Variants in CDKN2B-AS1 observed in about 807,000 individuals in gnomAD.
CDKN2B-AS1 encodes the protein CDKN2B antisense RNA 1 (non-protein coding).
chr9:22,119,894 C>T (rs1003461254), intron 4 of CDKN2B-AS1: 1 of 152,168 alleles, frequency 6.6e-6, no homozygotes, highest in Non-Finnish European at 1.5e-5. Context: ...TAACCAACAT[C>T]CCAAACCCAG....
intron 4 of CDKN2B-AS1, among the ~76,000 whole-genome samples, chr9:22,076,531 G>A (rs988003037): frequency 6.6e-6 from 1 of 151,788 alleles, no homozygotes; most frequent in Non-Finnish European, 1.5e-5. Context: ...TATACAACAC[G>A]GTGCTATGGG....
intron 4 of CDKN2B-AS1, among the ~76,000 whole-genome samples, chr9:22,086,068 T>C (rs1354135349): frequency 1.3e-5 from 2 of 152,126 alleles, no homozygotes; most frequent in Non-Finnish European, 2.9e-5. Context: ...TATTACTAGA[T>C]TTATAAACTT....
chr9:22,084,562 G>T (rs1262124083), intron 4 of CDKN2B-AS1, among the ~76,000 whole-genome samples: 1 of 152,068 alleles, frequency 6.6e-6, no homozygotes, highest in Non-Finnish European at 1.5e-5. Context: ...AGAGAAAGGG[G>T]GTGGGCAGGG....
intron 1 of CDKN2B-AS1, among the ~76,000 whole-genome samples, chr9:22,031,492 C>G (rs1225606098): frequency 6.6e-6 from 1 of 152,144 alleles, no homozygotes; most frequent in African/African-American, 2.4e-5. Flanking sequence ...GGTCCTGATA[C>G]TCATGCTTTC....
rs752604024 is a variant in CDKN2B-AS1, at chr9:22,005,572, C to T, written n.29+10411C>T. On this transcript the variant is annotated intron_variant and non_coding_transcript_variant, in intron 1 of 4. Transcript: ENST00000650946. The surrounding 1 kb of genome is among the most constrained non-coding windows in gnomAD (Gnocchi z 4.9). ...GCAGACATTGGAGTGAACGCATCGA[C>T]TGCCGTCACCCAAGTGCTAATCACT... 2.5e-6 allele frequency: 1 copy of T among 397,806 alleles called. No homozygotes were observed. The highest frequency in any genetic ancestry group is 2.9e-5 in the South Asian group (1 of 34,926). 24.6% of individuals were successfully genotyped at this position (397,806 alleles called of 1,614,324 possible). A position where few individuals can be genotyped will look rare whatever the true frequency, so the allele number is the denominator to read the frequency against.
chr9:22,062,850 G>T lies in CDKN2B-AS1; in HGVS notation n.438+6463G>T, dbSNP rs796588147. ...ATTAGAGATAATATTAGTAGATATT[G>T]TTGATGAATTGGGCGAAGCAGAGGG... is the stretch of plus-strand genomic sequence containing the variant. On this transcript the variant is annotated intron_variant and non_coding_transcript_variant, in intron 4 of 4. Coordinates refer to ENST00000650946, the Ensembl canonical transcript of CDKN2B-AS1. Among the ~76,000 whole-genome samples the T allele has an allele frequency of 1.1e-4, 17 of 152,050 alleles. 1 individual carries two copies. The highest frequency in any genetic ancestry group is 4.1e-4 in the African/African-American group (17 of 41,456).
intron 4 of CDKN2B-AS1, among the ~76,000 whole-genome samples, chr9:22,089,406 G>A (rs181169710): frequency 1.3e-5 from 2 of 152,140 alleles, no homozygotes; most frequent in Admixed American, 1.3e-4. Context: ...GAAGTTACTT[G>A]CTTTATATTA....
chr9:22,024,428 G>A (rs1822145740), intron 1 of CDKN2B-AS1, among the ~76,000 whole-genome samples: 1 of 152,214 alleles, frequency 6.6e-6, no homozygotes, highest in Non-Finnish European at 1.5e-5. Flanking sequence ...GGGAACAGGA[G>A]GCTCCTGCTA....
chr9:21,996,175 T>C lies in CDKN2B-AS1; in HGVS notation n.29+1014T>C, dbSNP rs1457045710. On this transcript the variant is annotated intron_variant and non_coding_transcript_variant, in intron 1 of 4. Transcript: ENST00000650946. The surrounding 1 kb of genome is among the most constrained non-coding windows in gnomAD (Gnocchi z 5.4). ...GCGGTAGCCTAGAGGAGCGGCAGAC[T>C]TCTCTTTCCCCATCCCCCGCCCCAT... Among the ~76,000 whole-genome samples, 1 of 152,162 alleles carries C rather than the reference T, an allele frequency of 6.6e-6. No individual in the cohort carries two copies.
intron 4 of CDKN2B-AS1, among the ~76,000 whole-genome samples, chr9:22,060,224 T>G (rs1171984317): frequency 2.6e-5 from 4 of 152,214 alleles, no homozygotes; most frequent in Admixed American, 1.3e-4. Context: ...CTGTTTCCCT[T>G]TTAAAACTGA....
intron 1 of CDKN2B-AS1, among the ~76,000 whole-genome samples, chr9:22,018,817 C>T (rs1821895734): frequency 6.6e-6 from 1 of 152,134 alleles, no homozygotes; most frequent in South Asian, 2.1e-4. Flanking sequence ...CTCATCCACT[C>T]AAAATATTGA....
At chr9:22,061,014 A>G (rs551858448) in intron 4 of CDKN2B-AS1, among the ~76,000 whole-genome samples, 1 of 152,188 alleles carries the variant, frequency 6.6e-6, no homozygotes, top group Non-Finnish European at 1.5e-5. Flanking sequence ...AAACCATATC[A>G]CTATACCACA....
intron 4 of CDKN2B-AS1, among the ~76,000 whole-genome samples, chr9:22,091,302 C>A (rs1825075198): frequency 6.6e-6 from 1 of 152,106 alleles, no homozygotes; most frequent in South Asian, 2.1e-4. Context: ...ATTGACTTGG[C>A]AATGCAGGCT....
chr9:22,030,525 T>A (rs1330068047), intron 1 of CDKN2B-AS1: 1 of 152,102 alleles, frequency 6.6e-6, no homozygotes, highest in East Asian at 1.9e-4. Flanking sequence ...TGACACAATG[T>A]AAAATTGTAA....
chr9:22,054,035 A>G lies in CDKN2B-AS1; in HGVS notation n.303-2217A>G, dbSNP rs1426654548. ...GACCCTCTTTAGGGCTTAGGGTCCT[A>G]ATCTGCAAAACGGAAATTATAATAA... On this transcript the variant is annotated intron_variant and non_coding_transcript_variant, in intron 3 of 4. Transcript: ENST00000650946. 2.0e-5 allele frequency among the ~76,000 whole-genome samples: 3 copies of G among 152,186 alleles called. No homozygotes were observed. In the East Asian group the frequency reaches 5.8e-4, roughly 29 times the overall value.
At chr9:22,037,715 T>A (rs1157766775) in intron 1 of CDKN2B-AS1, among the ~76,000 whole-genome samples, 2 of 152,098 alleles carry the variant, frequency 1.3e-5, no homozygotes, top group Non-Finnish European at 2.9e-5. Context: ...GGGGGCATAA[T>A]TTAATTCATT....
intron 1 of CDKN2B-AS1, among the ~76,000 whole-genome samples, chr9:22,042,003 G>T (rs1822915538): frequency 6.6e-6 from 1 of 151,994 alleles, no homozygotes; most frequent in African/African-American, 2.4e-5. Context: ...ACTGTTCTGG[G>T]AATATGTTAG....
chr9:22,057,683 C>A (rs557119640), intron 4 of CDKN2B-AS1, among the ~76,000 whole-genome samples: 2 of 151,848 alleles, frequency 1.3e-5, no homozygotes, highest in Non-Finnish European at 2.9e-5. Flanking sequence ...TGGTGGGCAC[C>A]TGGAGTCTCA....
At chr9:22,038,764 GA>G (rs918465273) in intron 1 of CDKN2B-AS1, among the ~76,000 whole-genome samples, 13 of 151,984 alleles carry the variant, frequency 8.6e-5, no homozygotes, top group African/African-American at 2.9e-4. Flanking sequence ...ATAATGTCTA[GA>G]AAAAAATCCA....
Sources: gnomAD v4.1 joint callset for allele counts (sites outside exome capture counted in the v4.1 genomes callset) on GRCh38, gnomAD v4.1.1 for gene constraint, Gnocchi (gnomAD v3.1) non-coding constraint, MANE v1.5 for transcripts, NCBI Gene and HGNC (gene_info 2026-07-23, HGNC 2026-07-21) for gene names.